Variants in FCHO2 observed in about 807,000 individuals in gnomAD.
FCHO2 encodes the protein F-BAR domain only protein 2.
Under a neutral mutation model 114.1 loss-of-function variants are expected in FCHO2, and 43 were observed. That is an observed-to-expected ratio of 0.38 (90% confidence interval 0.30 to 0.49). FCHO2 has a LOEUF of 0.49. FCHO2 is among the 20% of genes least tolerant of loss of function. The pLI, the probability that FCHO2 is intolerant of heterozygous loss-of-function variation, is 0.97. For missense variants in FCHO2, 807 were observed against 950.4 expected (o/e 0.85, Z 1.98); for synonymous variants, 293 against 315.2 (o/e 0.93, Z 0.75).
intron 6 of FCHO2, among the ~76,000 whole-genome samples, chr5:73,015,079 A>G (rs1755232687): frequency 6.6e-6 from 1 of 150,670 alleles, no homozygotes; most frequent in Admixed American, 6.6e-5. Flanking sequence ...CCGTCTCAAA[A>G]AAAAAAAAAA....
chr5:73,044,024 A>G (rs1431276442), intron 11 of FCHO2, among the ~76,000 whole-genome samples: 1 of 151,884 alleles, frequency 6.6e-6, no homozygotes, highest in Non-Finnish European at 1.5e-5. Context: ...TTCTCGTGAT[A>G]GTAAGTGAGT....
chr5:73,082,981 C>G (rs1743170646), intron 24 of FCHO2, among the ~76,000 whole-genome samples, 156 bp downstream of exon 24: 1 of 151,786 alleles, frequency 6.6e-6, no homozygotes, highest in Admixed American at 6.6e-5. Flanking sequence ...TCAAGCGATT[C>G]TCCTGCCTCA....
intron 19 of FCHO2, among the ~76,000 whole-genome samples, chr5:73,072,982 A>G (rs1172497503): frequency 6.6e-6 from 1 of 152,094 alleles, no homozygotes; most frequent in East Asian, 1.9e-4. Context: ...TGAATTTCTG[A>G]TGACCCTCTT....
At chr5:72,989,540 G>A (rs758962752) in intron 3 of FCHO2, 39 bp downstream of exon 3, 1 of 1,526,032 alleles carries the variant, frequency 6.6e-7, no homozygotes. Context: ...GTTTATTTAG[G>A]CAAAGTTCTT....
chr5:72,972,333 G>T (rs1271486042), intron 2 of FCHO2, among the ~76,000 whole-genome samples: 2 of 151,644 alleles, frequency 1.3e-5, no homozygotes, highest in Non-Finnish European at 3.0e-5. Context: ...CTACCCATGA[G>T]CATGGAATGT....
intron 23 of FCHO2, among the ~76,000 whole-genome samples, chr5:73,082,357 G>A (rs1384655173): frequency 6.7e-6 from 1 of 150,234 alleles, no homozygotes; most frequent in Non-Finnish European, 1.5e-5. Flanking sequence ...TCTAATTAGT[G>A]TTTAATAGTA....
intron 10 of FCHO2, among the ~76,000 whole-genome samples, chr5:73,039,631 GAA>G (rs1756705094): frequency 6.6e-6 from 1 of 152,108 alleles, no homozygotes; most frequent in Non-Finnish European, 1.5e-5. Context: ...TAAGTGGATA[GAA>G]AGTCACCTGG....
chr5:73,010,715 A>G (rs1754959668), intron 6 of FCHO2, among the ~76,000 whole-genome samples: 1 of 151,858 alleles, frequency 6.6e-6, no homozygotes, highest in South Asian at 2.1e-4. Context: ...TGTCTCTACT[A>G]AAAATACAAA....
At chr5:72,988,566 C>T (rs1449852469) in intron 2 of FCHO2, among the ~76,000 whole-genome samples, 1 of 152,086 alleles carries the variant, frequency 6.6e-6, no homozygotes, top group Admixed American at 6.5e-5. Context: ...ATCTCATATG[C>T]TAAACAGTAG....
intron 1 of FCHO2, among the ~76,000 whole-genome samples, chr5:72,961,210 A>G (rs1751842735): frequency 6.6e-6 from 1 of 152,176 alleles, no homozygotes; most frequent in Non-Finnish European, 1.5e-5. Flanking sequence ...GATAAAAAAC[A>G]TTATTATATT....
chr5:73,005,660 A>G (rs1263366511), intron 5 of FCHO2, among the ~76,000 whole-genome samples: 1 of 152,074 alleles, frequency 6.6e-6, no homozygotes, highest in Non-Finnish European at 1.5e-5. Flanking sequence ...ATCTGCTTCA[A>G]CCTACAAACT....
chr5:73,034,805 C>A, intron 9 of FCHO2, 104 bp downstream of exon 9: 1 of 849,552 alleles, frequency 1.2e-6, no homozygotes, highest in Non-Finnish European at 1.7e-6. Flanking sequence ...TGTCAGCATA[C>A]CTATGGAATG....
In FCHO2 at chr5:73,088,121, A is replaced by T. The variant is rs1406476316; in HGVS notation, c.*31A>T. The T allele has an allele frequency of 1.1e-5, 17 of 1,611,900 alleles. No homozygotes were observed. Among genetic ancestry groups the T allele is most frequent in the Non-Finnish European group, 1.4e-5 (16 of 1,179,108 alleles). On this transcript the variant is annotated 3_prime_UTR_variant, in exon 26 of 26. Transcript: ENST00000430046. ...CTGGGAAAGTGATGTGGCTTCAGGG[A>T]TTACAAACCTGCCATTCTGCATTAT...
intron 13 of FCHO2, among the ~76,000 whole-genome samples, chr5:73,053,772 G>A (rs1488499960): frequency 6.6e-6 from 1 of 151,666 alleles, no homozygotes; most frequent in Non-Finnish European, 1.5e-5. Context: ...TTATGTAAGA[G>A]CATAACTAAT....
rs1755699239 is a variant in FCHO2 at position 73,022,781 on chromosome 5, A to G, written c.796+5473A>G. The stretch of plus-strand genomic sequence containing the variant: ...AACCTGGAAGGCTGGAATAGATTCA[A>G]GGTCCACATGGATTTCATCAGGACT... On this transcript the variant is annotated intron_variant, in intron 8 of 25. Coordinates refer to ENST00000430046, the MANE Select transcript of FCHO2 (RefSeq NM_138782.3). Among the ~76,000 whole-genome samples, 6 of 152,358 alleles carry G rather than the reference A, an allele frequency of 3.9e-5. No homozygotes were observed. The South Asian group carries it at 1.0e-3, about 26-fold the overall frequency.
intron 5 of FCHO2, chr5:72,997,389 A>G: frequency 6.3e-7 from 1 of 1,597,162 alleles, no homozygotes; most frequent in Non-Finnish European, 8.6e-7. Context: ...TACGGACAGC[A>G]CTGCACTTTG....
chr5:73,082,616 C>G, intron 23 of FCHO2, 145 bp from the exon 24 acceptor site: 1 of 665,636 alleles, frequency 1.5e-6, no homozygotes. Context: ...ATCATAAACA[C>G]ATTTTCACCA....
chr5:73,035,006 TTCCATGTTTAAGCCTTGTTAA>T (rs1756424878), intron 9 of FCHO2, among the ~76,000 whole-genome samples: 3 of 152,232 alleles, frequency 2.0e-5, no homozygotes, highest in African/African-American at 4.8e-5. Context: ...TTAAGCCTTG[TTCCATGTTTAAGCCTTGTTAA>T]TCCATGTTTA....
rs558061564 is a variant in FCHO2 at position 72,994,508 on chromosome 5, G to A, written c.495+3644G>A. ...GATGCTGGCAAGGTTGTGGAGAAAA[G>A]GGAATGCTTATACACTGTTGGTGGG... On this transcript the variant is annotated intron_variant, in intron 5 of 25. Transcript: ENST00000430046. Among the ~76,000 whole-genome samples the A allele has an allele frequency of 1.5e-4, 23 of 152,280 alleles. No individual in the cohort carries two copies. The East Asian group carries it at 4.4e-3, about 29-fold the overall frequency.
Sources: allele counts gnomAD v4.1 joint callset (sites outside exome capture counted in the v4.1 genomes callset), GRCh38; gene constraint gnomAD v4.1.1; transcripts MANE v1.5; gene names NCBI Gene and HGNC (gene_info 2026-07-23, HGNC 2026-07-21).